Variants in PLEKHM2 observed in about 807,000 individuals in gnomAD.
The protein encoded by PLEKHM2 is pleckstrin homology and RUN domain containing M2, also known as pleckstrin homology domain-containing family M member 2.
PLEKHM2 carries 77 observed loss-of-function variants against 116.3 expected under a neutral mutation model. That is an observed-to-expected ratio of 0.66 (90% confidence interval 0.55 to 0.80). The LOEUF (loss-of-function observed/expected upper bound fraction) is 0.80, where lower values mean the gene tolerates loss of function less well. PLEKHM2 is among the 30% of genes least tolerant of loss of function. The pLI is 0.00. For synonymous variants in PLEKHM2, 562 were observed against 571.0 expected (o/e 0.98, Z 0.22); for missense variants, 1,183 against 1,354.9 (o/e 0.87, Z 1.99).
Position 15,730,158 on chromosome 1 carries a change from C to T in PLEKHM2, c.2208+229C>T, listed in dbSNP as rs537789354. Among the ~76,000 whole-genome samples, 7 of 152,312 alleles carry T rather than the reference C, an allele frequency of 4.6e-5. No homozygotes were observed. In the East Asian group the frequency reaches 1.2e-3, roughly 25 times the overall value. ...GTCCTAAGGTTAAGACACCCTCGCT[C>T]GGCAGGGCACAGTGGCTCACGCCTG... is the stretch of plus-strand genomic sequence containing the variant. On this transcript the variant is annotated intron_variant, in intron 14 of 19. Transcript: ENST00000375799.
In PLEKHM2 at chr1:15,719,456, AAAAAAT is replaced by A. The variant is rs1168751158; in HGVS notation, c.466-274_466-269del. Among the ~76,000 whole-genome samples, 2 of 151,514 alleles carry A rather than the reference AAAAAAT, an allele frequency of 1.3e-5. No homozygotes were observed. The highest frequency in any genetic ancestry group is 2.4e-5 in the African/African-American group (1 of 40,838). Reference sequence around the variant, plus strand: ...ACAGAGTGAGACTCTGTCTCAAAAAAAAAAATAAATAAATAGAGAGAGAGAGAGATA... The same window carrying A: ...ACAGAGTGAGACTCTGTCTCAAAAAAAAATAAATAGAGAGAGAGAGAGATA... On this transcript the variant is annotated intron_variant, in intron 5 of 19. Coordinates refer to ENST00000375799, the MANE Select transcript of PLEKHM2 (RefSeq NM_015164.4). This position sits in a 1 kb window ranked among gnomAD's most constrained non-coding sequence, Gnocchi z 4.1.
chr1:15,727,088 C>A lies in PLEKHM2; in HGVS notation c.1016C>A (p.Ala339Asp), dbSNP rs1489723992. ...SDEEASPLHP[A>D]CSQKKCAKQG... ...GAGGAGGCAAGTCCACTCCACCCCG[C>A]CTGCAGCCAGAAGAAATGTGCCAAG... is the stretch of plus-strand genomic sequence containing the variant. Residue 339 changes from alanine (A) to aspartate (D), a missense_variant, in exon 9 of 20, where the codon GCC becomes GAC. This residue lies in a region of PLEKHM2 where 372 missense variants were observed against 357.2 expected (regional missense o/e 1.04). Transcript: ENST00000375799. The surrounding 1 kb of genome is among the most constrained non-coding windows in gnomAD (Gnocchi z 7.5). The A allele has an allele frequency of 6.5e-7, 1 of 1,540,846 alleles. No homozygotes were observed. The highest frequency in any genetic ancestry group is 2.3e-5 in the East Asian group (1 of 43,110).
chr1:15,728,350 C>T lies in PLEKHM2; in HGVS notation c.1914C>T (p.Leu638=), dbSNP rs572679523. The change falls in exon 11 of 20, where the codon CTC becomes CTT. Residue 638 remains leucine, a synonymous_variant. Coordinates refer to ENST00000375799, the MANE Select transcript of PLEKHM2 (RefSeq NM_015164.4). This position sits in a 1 kb window ranked among gnomAD's most constrained non-coding sequence, Gnocchi z 5.9. ...VLLTDCYVYL[L]RKGATEKPYL... is the part of the protein sequence containing the mutation. ...TCACAGACTGCTATGTCTACCTGCT[C>T]CGGAAAGGTGCCCGCCGCCCCCGGG... The T allele has an allele frequency of 1.2e-4, 187 of 1,612,538 alleles. No individual in the cohort carries two copies. In the East Asian group the frequency reaches 4.1e-3, roughly 35 times the overall value.
chr1:15,708,828 C>A (rs1008144242), intron 1 of PLEKHM2, among the ~76,000 whole-genome samples: 40 of 152,290 alleles, frequency 2.6e-4, no homozygotes, highest in Middle Eastern at 6.8e-3. Flanking sequence ...AGCTCTGTGA[C>A]CTACTTACGG....
At chr1:15,731,508 A>C (rs1021971480) in intron 16 of PLEKHM2, among the ~76,000 whole-genome samples, 1 of 152,120 alleles carries the variant, frequency 6.6e-6, no homozygotes, top group Non-Finnish European at 1.5e-5. Context: ...CCTTCCCCAG[A>C]AGCTCCCGGC....
Position 15,734,158 on chromosome 1 carries a change from C to A in PLEKHM2, c.*224C>A, listed in dbSNP as rs920690898. On this transcript the variant is annotated 3_prime_UTR_variant, in exon 20 of 20. Transcript: ENST00000375799. Reference sequence around the variant, plus strand: ...TGCCCGACAGGTAGCGAATGGAGGTCGCTGGGGGCAGAGGGTCCGAGCCCT... The same window carrying A: ...TGCCCGACAGGTAGCGAATGGAGGTAGCTGGGGGCAGAGGGTCCGAGCCCT... 37 of 563,682 alleles carry A rather than the reference C, an allele frequency of 6.6e-5. No individual in the cohort carries two copies. In the East Asian group the frequency reaches 1.0e-3, roughly 16 times the overall value. The allele number at this position is 563,682 out of a possible 1,614,324, so 34.9% of individuals were successfully genotyped here.
At chr1:15,722,455 T>A (rs905668166) in intron 7 of PLEKHM2, among the ~76,000 whole-genome samples, 1 of 152,116 alleles carries the variant, frequency 6.6e-6, no homozygotes, top group African/African-American at 2.4e-5. Context: ...AAATCCCTGT[T>A]ATTAAAGAGC....
rs1338609479 is a variant in PLEKHM2 at position 15,728,258 on chromosome 1, G to A, written c.1831-9G>A. On this transcript the variant is annotated splice_polypyrimidine_tract_variant and intron_variant, in intron 10 of 19. Transcript: ENST00000375799. The surrounding 1 kb of genome is among the most constrained non-coding windows in gnomAD (Gnocchi z 5.9). ...CACCTGCCTGACCCTTGTCTGCTTCGGCCCCCAGATGATCCGGATGAGCAC... is the reference window on the plus strand; with the variant it reads ...CACCTGCCTGACCCTTGTCTGCTTCAGCCCCCAGATGATCCGGATGAGCAC... The A allele has an allele frequency of 2.5e-6, 4 of 1,612,990 alleles. No homozygotes were observed. The highest frequency in any genetic ancestry group is 1.3e-5 in the African/African-American group (1 of 75,052).
chr1:15,695,980 A>T (rs962903362), intron 1 of PLEKHM2, among the ~76,000 whole-genome samples: 2 of 141,296 alleles, frequency 1.4e-5, no homozygotes, highest in African/African-American at 5.1e-5. Context: ...TTTTTTCTAT[A>T]TTTTTTTTTT....
intron 8 of PLEKHM2, among the ~76,000 whole-genome samples, chr1:15,726,688 T>C (rs946745028): frequency 1.2e-4 from 19 of 152,190 alleles, no homozygotes; most frequent in Non-Finnish European, 2.8e-4. Context: ...AGCCATGGCC[T>C]GTTTTTCTTT....
At chr1:15,690,462 T>C (rs1348343375) in intron 1 of PLEKHM2, among the ~76,000 whole-genome samples, 1 of 152,232 alleles carries the variant, frequency 6.6e-6, no homozygotes, top group Non-Finnish European at 1.5e-5. Flanking sequence ...TTGAAACTGC[T>C]CAGTTCTGCT....
rs1408039658 is a variant in PLEKHM2 at position 15,721,105 on chromosome 1, C to T, written c.653-224C>T. Reference sequence around the variant, plus strand: ...TGGATGTGGAAAGGGGTCACCCTGACAGGTCTTTCCAGCTGGTTGGAGGCT... The same window carrying T: ...TGGATGTGGAAAGGGGTCACCCTGATAGGTCTTTCCAGCTGGTTGGAGGCT... On this transcript the variant is annotated intron_variant, in intron 6 of 19. Transcript: ENST00000375799. This position sits in a 1 kb window ranked among gnomAD's most constrained non-coding sequence, Gnocchi z 5.1. 2 of 513,690 alleles carry T rather than the reference C, an allele frequency of 3.9e-6. No individual in the cohort carries two copies. Among genetic ancestry groups the T allele is most frequent in the East Asian group, 3.2e-5 (1 of 30,890 alleles). 31.8% of individuals were successfully genotyped at this position (513,690 alleles called of 1,614,324 possible). A position where few individuals can be genotyped will look rare whatever the true frequency, so the allele number is the denominator to read the frequency against.
intron 1 of PLEKHM2, among the ~76,000 whole-genome samples, chr1:15,688,784 T>C (rs1384701172): frequency 6.6e-6 from 1 of 151,888 alleles, no homozygotes; most frequent in Non-Finnish European, 1.5e-5. Flanking sequence ...TAAAGAGAAA[T>C]GTCCAAGTCA....
intron 15 of PLEKHM2, 25 bp downstream of exon 15, chr1:15,730,747 C>T (rs2068130878): frequency 1.9e-6 from 3 of 1,567,368 alleles, no homozygotes; most frequent in African/African-American, 1.4e-5. Flanking sequence ...AGCTCTAGGC[C>T]TGGGGCTTGG....
chr1:15,730,529 C>A lies in PLEKHM2; in HGVS notation c.2209-3C>A. On this transcript the variant is annotated splice_region_variant and splice_polypyrimidine_tract_variant and intron_variant, in intron 14 of 19. Transcript: ENST00000375799. ...TTGTCCCCCGTGCCCGCCCCCGCAT[C>A]AGGCATCTGCTGTCACCGTGCGCTT... The A allele has an allele frequency of 6.4e-7, 1 of 1,566,116 alleles. No individual in the cohort carries two copies. Among genetic ancestry groups the A allele is most frequent in the Middle Eastern group, 1.7e-4 (1 of 5,718 alleles).
At position 15,730,851 on chromosome 1, in the gene PLEKHM2, C is replaced by G; in HGVS notation, c.2399+129C>G. 4 of 732,928 alleles carry G rather than the reference C, an allele frequency of 5.5e-6. No homozygotes were observed. The South Asian group carries it at 7.5e-5, about 14-fold the overall frequency. The allele number at this position is 732,928 out of a possible 1,614,324, so 45.4% of individuals were successfully genotyped here. ...CCTGAGGAGAGGACGCCTCCCTTCC[C>G]TACCAGAGCTTGGAGTTGACTTAGC... is the stretch of plus-strand genomic sequence containing the variant. On this transcript the variant is annotated intron_variant, in intron 15 of 19. Transcript: ENST00000375799.
Position 15,732,000 on chromosome 1 carries a change from C to T in PLEKHM2, c.2577C>T (p.Ala859=), listed in dbSNP as rs369860859. 2.4e-5 allele frequency: 39 copies of T among 1,612,296 alleles called. No homozygotes were observed. In the Admixed American group the frequency reaches 3.2e-4, roughly 13 times the overall value. The change falls in exon 17 of 20, where the codon GCC becomes GCT. Residue 859 remains alanine (A), a synonymous_variant. Coordinates refer to ENST00000375799, the MANE Select transcript of PLEKHM2 (RefSeq NM_015164.4). The part of the protein sequence containing the change: ...PCLELSAESE[A]EMAEWMQHLC... Reference sequence around the variant, plus strand: ...TGGAGCTAAGTGCCGAGAGCGAGGCCGAGATGGCCGAGTGGATGCAGCATC... The same window carrying T: ...TGGAGCTAAGTGCCGAGAGCGAGGCTGAGATGGCCGAGTGGATGCAGCATC...
rs563525998 is a variant in PLEKHM2 at position 15,703,331 on chromosome 1, A to G, written c.61-12906A>G. Among the ~76,000 whole-genome samples the G allele has an allele frequency of 2.2e-3, 329 of 146,950 alleles. 2 individuals carry two copies. The highest frequency in any genetic ancestry group is 3.2e-3 in the Non-Finnish European group (215 of 67,504). On this transcript the variant is annotated intron_variant, in intron 1 of 19. Coordinates refer to ENST00000375799, the MANE Select transcript of PLEKHM2 (RefSeq NM_015164.4). ...CAGTTAAACAGGCACGCTTACAGCCATCTGTCCAGCCTCTCCTGTTGTTGG... is the reference window on the plus strand; with the variant it reads ...CAGTTAAACAGGCACGCTTACAGCCGTCTGTCCAGCCTCTCCTGTTGTTGG...
At chr1:15,693,074 TCC>T (rs1640920471) in intron 1 of PLEKHM2, among the ~76,000 whole-genome samples, 1 of 140,310 alleles carries the variant, frequency 7.1e-6, no homozygotes, top group African/African-American at 2.7e-5. Flanking sequence ...AAAGTCTCTC[TCC>T]GTTGCCCAGG....
Sources: gnomAD v4.1 joint callset for allele counts (sites outside exome capture counted in the v4.1 genomes callset) on GRCh38, gnomAD v4.1.1 for gene constraint, gnomAD v4.1.1 regional missense constraint, Gnocchi (gnomAD v3.1) non-coding constraint, MANE v1.5 for transcripts, NCBI Gene and HGNC (gene_info 2026-07-23, HGNC 2026-07-21) for gene names.